The following NPAS3 variants were observed in gnomAD, a reference collection of about 807,000 sequenced individuals.
NPAS3 encodes neuronal PAS domain protein 3.
NPAS3 carries 14 observed loss-of-function variants against 73.1 expected under a neutral mutation model. The observed-to-expected ratio is 0.19, with a 90% CI of 0.13 to 0.30. The LOEUF (loss-of-function observed/expected upper bound fraction) is 0.30, where lower values mean the gene tolerates loss of function less well. NPAS3 is among the 10% of genes least tolerant of loss of function. NPAS3 has a pLI of 1.00. For synonymous variants in NPAS3, 620 were observed against 541.5 expected, an observed-to-expected ratio of 1.14 and a Z score of -2.01; for missense variants, 1,096 against 1,250.0, an observed-to-expected ratio of 0.88 and a Z score of 1.86.
chr14:33,601,314 G>A (rs1472118449), intron 5 of NPAS3, among the ~76,000 whole-genome samples: 3 of 152,184 alleles, frequency 2.0e-5, no homozygotes, highest in Admixed American at 1.3e-4. Flanking sequence ...TGACAATTGG[G>A]CAGTGCCCCA....
chr14:33,357,613 G>A (rs1270858530), intron 3 of NPAS3, among the ~76,000 whole-genome samples: 1 of 152,254 alleles, frequency 6.6e-6, no homozygotes, highest in African/African-American at 2.4e-5. Context: ...GAGCTGACAT[G>A]TGCTTAGCGC....
At chr14:33,232,899 AG>A (rs1196798490) in intron 3 of NPAS3, among the ~76,000 whole-genome samples, 2 of 152,114 alleles carry the variant, frequency 1.3e-5, no homozygotes, top group East Asian at 3.9e-4. Flanking sequence ...TTTAGTTTCT[AG>A]GGCGAGTAGT....
chr14:33,048,464 G>A (rs1184871327), intron 1 of NPAS3, among the ~76,000 whole-genome samples: 1 of 152,202 alleles, frequency 6.6e-6, no homozygotes, highest in Non-Finnish European at 1.5e-5. Flanking sequence ...TTCAGATGTA[G>A]CTTTTTCCCC....
At chr14:33,722,322 C>T in intron 6 of NPAS3, among the ~76,000 whole-genome samples, 1 of 152,116 alleles carries the variant, frequency 6.6e-6, no homozygotes, top group East Asian at 1.9e-4. Context: ...TTCCCCATCA[C>T]CATCAGCAAT....
intron 4 of NPAS3, among the ~76,000 whole-genome samples, chr14:33,539,972 A>T (rs547612766): frequency 1.6e-4 from 24 of 152,304 alleles, no homozygotes; most frequent in Non-Finnish European, 3.2e-4. Flanking sequence ...TCTGAGGCTG[A>T]CCACGAATGC....
chr14:33,313,624 C>G (rs2043092095), intron 3 of NPAS3, among the ~76,000 whole-genome samples: 1 of 152,060 alleles, frequency 6.6e-6, no homozygotes, highest in African/African-American at 2.4e-5. Flanking sequence ...GTAGCTGTGA[C>G]AGCAATAGGT....
chr14:33,602,531 G>T (rs1339590346), intron 5 of NPAS3, among the ~76,000 whole-genome samples: 1 of 152,200 alleles, frequency 6.6e-6, no homozygotes, highest in East Asian at 1.9e-4. Flanking sequence ...TCTCCCAGCA[G>T]GCATCCTGCA....
intron 4 of NPAS3, among the ~76,000 whole-genome samples, chr14:33,528,071 C>T (rs1350171017): frequency 6.6e-6 from 1 of 151,938 alleles, no homozygotes; most frequent in African/African-American, 2.4e-5. Flanking sequence ...AATTATTTTC[C>T]CCTTCAAGAG....
At chr14:33,351,985 T>C (rs1319639289) in intron 3 of NPAS3, among the ~76,000 whole-genome samples, 2 of 152,038 alleles carry the variant, frequency 1.3e-5, no homozygotes, top group Non-Finnish European at 1.5e-5. Context: ...CCATGGCATG[T>C]GTATACCTAT....
chr14:33,369,850 A>G (rs2046008923), intron 4 of NPAS3, among the ~76,000 whole-genome samples: 1 of 152,210 alleles, frequency 6.6e-6, no homozygotes, highest in South Asian at 2.1e-4. Flanking sequence ...TTTTGAGCCC[A>G]TAAGCCTATG....
intron 2 of NPAS3, among the ~76,000 whole-genome samples, chr14:33,085,981 G>A (rs982187133): frequency 3.9e-5 from 6 of 152,120 alleles, no homozygotes; most frequent in African/African-American, 1.4e-4. Context: ...TCTCCTAGGA[G>A]TAGAAGGCAT....
intron 1 of NPAS3, among the ~76,000 whole-genome samples, chr14:33,032,457 A>G (rs1357593910): frequency 6.6e-6 from 1 of 152,156 alleles, no homozygotes. Context: ...GGAGCTTTTG[A>G]GTGCATTAGA....
At chr14:33,592,993 A>G (rs1227710992) in intron 5 of NPAS3, among the ~76,000 whole-genome samples, 1 of 152,150 alleles carries the variant, frequency 6.6e-6, no homozygotes, top group East Asian at 1.9e-4. Context: ...GCAATGCTTC[A>G]GACACATCTC....
chr14:33,417,167 C>T (rs1483318553), intron 4 of NPAS3, among the ~76,000 whole-genome samples: 1 of 151,984 alleles, frequency 6.6e-6, no homozygotes, highest in Non-Finnish European at 1.5e-5. Flanking sequence ...TTTATCTCAT[C>T]TGCAACTATG....
intron 3 of NPAS3, among the ~76,000 whole-genome samples, chr14:33,264,648 C>G (rs1310521158): frequency 6.6e-6 from 1 of 152,164 alleles, no homozygotes; most frequent in East Asian, 1.9e-4. Flanking sequence ...TGGCTTAAAT[C>G]TGTCTTGAAC....
At chr14:33,715,791 C>A (rs1234452821) in intron 6 of NPAS3, among the ~76,000 whole-genome samples, 1 of 152,144 alleles carries the variant, frequency 6.6e-6, no homozygotes, top group African/African-American at 2.4e-5. Flanking sequence ...TTCGAGGGAC[C>A]CAGTGGGAGG....
At chr14:33,773,409 G>A (rs919929126) in intron 7 of NPAS3, among the ~76,000 whole-genome samples, 1 of 152,144 alleles carries the variant, frequency 6.6e-6, no homozygotes, top group Non-Finnish European at 1.5e-5. Flanking sequence ...GCACATGTGT[G>A]CACGCACACC....
chr14:33,028,681 G>A (rs1306418252), intron 1 of NPAS3, among the ~76,000 whole-genome samples: 2 of 152,126 alleles, frequency 1.3e-5, no homozygotes, highest in Non-Finnish European at 2.9e-5. Context: ...TGGAGTAGTT[G>A]TGTACAGGTA....
chr14:33,189,226 T>A (rs2046083861), intron 2 of NPAS3, among the ~76,000 whole-genome samples: 2 of 152,198 alleles, frequency 1.3e-5, no homozygotes, highest in Non-Finnish European at 1.5e-5. Flanking sequence ...GCAAAGGATA[T>A]TGTGTTCTGC....
Sources: gnomAD v4.1 joint callset for allele counts (sites outside exome capture counted in the v4.1 genomes callset) on GRCh38, gnomAD v4.1.1 for gene constraint, MANE v1.5 for transcripts, NCBI Gene and HGNC (gene_info 2026-07-23, HGNC 2026-07-21) for gene names.